Variants in TAPT1 observed in about 807,000 individuals in gnomAD.
TAPT1 encodes transmembrane anterior posterior transformation protein 1 homolog.
TAPT1 carries 28 observed loss-of-function variants against 65.6 expected under a neutral mutation model. That is an observed-to-expected ratio of 0.43 (90% CI 0.32 to 0.59). The LOEUF is 0.59. Among genes scored for constraint, TAPT1 ranks in the 20% least tolerant of loss-of-function variants. The pLI, the probability that TAPT1 is intolerant of heterozygous loss-of-function variation, is 0.09. For synonymous variants in TAPT1, 278 were observed against 245.2 expected (o/e 1.13, Z -1.25); for missense variants, 563 against 679.9 (o/e 0.83, Z 1.91).
chr4:16,215,097 C>G (rs1041391299), intron 1 of TAPT1, among the ~76,000 whole-genome samples: 6 of 152,030 alleles, frequency 3.9e-5, no homozygotes, highest in African/African-American at 1.2e-4. Context: ...CAAGACCAGC[C>G]TGGCCAACAT....
intron 2 of TAPT1, among the ~76,000 whole-genome samples, chr4:16,210,708 A>G (rs1017015486): frequency 1.3e-5 from 2 of 152,182 alleles, no homozygotes; most frequent in Non-Finnish European, 2.9e-5. Flanking sequence ...CTCAATTTAG[A>G]AGGCAGAGAA....
At chr4:16,202,381 T>C in intron 3 of TAPT1, 81 bp downstream of exon 3, 2 of 879,438 alleles carry the variant, frequency 2.3e-6, no homozygotes. Flanking sequence ...CTGTATGAAT[T>C]ATCCTTACTC....
intron 2 of TAPT1, among the ~76,000 whole-genome samples, chr4:16,203,585 A>G (rs1348860978): frequency 6.6e-6 from 1 of 152,190 alleles, no homozygotes; most frequent in East Asian, 1.9e-4. Flanking sequence ...AGTCCTTATA[A>G]AAGAGGAAAT....
chr4:16,208,837 A>C (rs1312888454), intron 2 of TAPT1, among the ~76,000 whole-genome samples: 2 of 152,198 alleles, frequency 1.3e-5, no homozygotes, highest in Non-Finnish European at 2.9e-5. Context: ...TAAACTCTCC[A>C]GCCTGACCAT....
chr4:16,188,446 G>T, intron 4 of TAPT1, 91 bp from the exon 5 acceptor site: 1 of 1,094,646 alleles, frequency 9.1e-7, no homozygotes, highest in Non-Finnish European at 1.3e-6. Context: ...CTGGAGATCT[G>T]TGTTTTAAAT....
chr4:16,205,279 A>T (rs1420565841), intron 2 of TAPT1, among the ~76,000 whole-genome samples: 1 of 152,214 alleles, frequency 6.6e-6, no homozygotes, highest in African/African-American at 2.4e-5. Context: ...TACACTAACC[A>T]TCTTCTGGAA....
At chr4:16,206,041 G>C (rs1750324492) in intron 2 of TAPT1, among the ~76,000 whole-genome samples, 1 of 152,164 alleles carries the variant, frequency 6.6e-6, no homozygotes, top group African/African-American at 2.4e-5. Context: ...AGGGGAACAG[G>C]ATATCAATAA....
rs1011024019 is a variant in TAPT1 at position 16,161,120 on chromosome 4, A to G, written c.*2188T>C. The G allele has an allele frequency of 4.6e-5, 7 of 152,410 alleles. No individual in the cohort carries two copies. The highest frequency in any genetic ancestry group is 8.8e-5 in the Non-Finnish European group (6 of 68,036). The allele number at this position is 152,410 out of a possible 1,614,324, so 9.4% of individuals were successfully genotyped here. On this transcript the variant is annotated 3_prime_UTR_variant, in exon 14 of 14. Transcript: ENST00000405303. ...ATTAAATGGTCTATAATCAAGGCCG[A>G]GCCTATTTTTTCCAAAGACAAAATT...
intron 12 of TAPT1, among the ~76,000 whole-genome samples, chr4:16,169,073 G>C (rs1240459706): frequency 6.6e-6 from 1 of 152,220 alleles, no homozygotes; most frequent in Non-Finnish European, 1.5e-5. Flanking sequence ...GTAGTTTTGA[G>C]AAAGCTTCTG....
chr4:16,220,018 G>A (rs1751157659), intron 1 of TAPT1, among the ~76,000 whole-genome samples: 1 of 152,188 alleles, frequency 6.6e-6, no homozygotes, highest in Non-Finnish European at 1.5e-5. Context: ...TGCTCTGCCA[G>A]GACCATTCCC....
At chr4:16,219,790 A>G (rs1242753004) in intron 1 of TAPT1, among the ~76,000 whole-genome samples, 1 of 152,232 alleles carries the variant, frequency 6.6e-6, no homozygotes, top group African/African-American at 2.4e-5. Context: ...TCATATTATG[A>G]AAAAACTGAG....
At chr4:16,193,945 ATACTT>A (rs367547933) in intron 3 of TAPT1, among the ~76,000 whole-genome samples, 1 of 152,368 alleles carries the variant, frequency 6.6e-6, no homozygotes, top group African/African-American at 2.4e-5. Context: ...GTAGAAAACT[ATACTT>A]AGAGCTTTTC....
Position 16,226,388 on chromosome 4 carries a change from C to G in TAPT1, c.70G>C (p.Asp24His), listed in dbSNP as rs1275520193. ...GGCTGCTCCGCCTCGCCGCGGCCGTCCCGCTGCGGGCCGTCCACGCCGCCA... is the reference window on the plus strand; with the variant it reads ...GGCTGCTCCGCCTCGCCGCGGCCGTGCCGCTGCGGGCCGTCCACGCCGCCA... Reference protein sequence around the residue: ...GGGGVDGPQRDGRGEAEQPGG... With the variant: ...GGGGVDGPQRHGRGEAEQPGG... The change falls in exon 1 of 14, where the codon GAC becomes CAC. Residue 24 changes from aspartate to histidine, a missense_variant. Transcript: ENST00000405303. 27 of 1,100,822 alleles carry G rather than the reference C, an allele frequency of 2.5e-5. No homozygotes were observed. The highest frequency in any genetic ancestry group is 2.9e-5 in the Non-Finnish European group (26 of 905,442). 68.2% of individuals were successfully genotyped at this position (1,100,822 alleles called of 1,614,324 possible).
intron 7 of TAPT1, among the ~76,000 whole-genome samples, chr4:16,184,985 CTT>C (rs1221274573): frequency 1.3e-5 from 2 of 152,112 alleles, no homozygotes; most frequent in South Asian, 2.1e-4. Flanking sequence ...CAGTTTCTCT[CTT>C]TTGTTTTACA....
intron 2 of TAPT1, among the ~76,000 whole-genome samples, chr4:16,203,477 G>A (rs1750164927): frequency 6.6e-6 from 1 of 152,112 alleles, no homozygotes; most frequent in Admixed American, 6.6e-5. Flanking sequence ...AAGTTCCTAT[G>A]TTGGTACCTT....
At chr4:16,202,390 T>C in intron 3 of TAPT1, 72 bp downstream of exon 3, 2 of 970,788 alleles carry the variant, frequency 2.1e-6, no homozygotes, top group Non-Finnish European at 3.1e-6. Context: ...TTATCCTTAC[T>C]CTGCAACCAC....
intron 13 of TAPT1, among the ~76,000 whole-genome samples, 159 bp from the exon 14 acceptor site, chr4:16,163,696 A>G (rs1747398984): frequency 6.6e-6 from 1 of 152,254 alleles, no homozygotes; most frequent in African/African-American, 2.4e-5. Flanking sequence ...AGCAGCCATC[A>G]TTTATAATAA....
At chr4:16,217,426 A>ATTT (rs1751002944) in intron 1 of TAPT1, among the ~76,000 whole-genome samples, 1 of 152,248 alleles carries the variant, frequency 6.6e-6, no homozygotes, top group African/African-American at 2.4e-5. Flanking sequence ...ATTAGACATA[A>ATTT]AACGGAGTGG....
chr4:16,179,633 T>C lies in TAPT1; in HGVS notation c.941A>G (p.Tyr314Cys). ...TAGACACACTATCAGTAAAAGCACA[T>C]AATTTGTGAATCGTTCCTTAATATC... ...NSDIKERFTNYVLLLIVCLRN... is the reference protein window; with the variant it reads ...NSDIKERFTNCVLLLIVCLRN... The change falls in exon 8 of 14, where the codon TAT (tyrosine) becomes TGT (cysteine). Residue 314 changes from tyrosine to cysteine, a missense_variant. This residue lies in a region of TAPT1 where 217 missense variants were observed against 317.5 expected (regional missense o/e 0.68). Transcript: ENST00000405303. The C allele has an allele frequency of 6.5e-7, 1 of 1,539,182 alleles. No individual in the cohort carries two copies. The highest frequency in any genetic ancestry group is 8.7e-7 in the Non-Finnish European group (1 of 1,142,942).
Sources: allele counts gnomAD v4.1 joint callset (sites outside exome capture counted in the v4.1 genomes callset), GRCh38; gene constraint gnomAD v4.1.1; regional missense constraint gnomAD v4.1.1; transcripts MANE v1.5; gene names NCBI Gene and HGNC (gene_info 2026-07-23, HGNC 2026-07-21).